The following NRXN3 variants were observed in gnomAD, a reference collection of about 807,000 sequenced individuals.
NRXN3 encodes the protein neurexin 3, also known as neurexin III.
In NRXN3, 32 loss-of-function variants were observed where a neutral mutation model predicts 137.6. The ratio of observed to expected loss-of-function variants is 0.23; its 90% CI spans 0.18 to 0.31. The LOEUF is 0.31. Ranked by LOEUF, NRXN3 falls within the 10% of genes least tolerant of loss-of-function variation. The pLI is 1.00. For synonymous variants in NRXN3, 798 were observed against 784.5 expected, an observed-to-expected ratio of 1.02 and a Z score of -0.29; for missense variants, 1,574 against 2,062.5, an observed-to-expected ratio of 0.76 and a Z score of 4.59.
chr14:79,467,576 A>T (rs557923139), intron 16 of NRXN3, among the ~76,000 whole-genome samples, 174 bp downstream of exon 16: 2 of 152,310 alleles, frequency 1.3e-5, no homozygotes, highest in South Asian at 4.1e-4. Context: ...AAAAAAACTT[A>T]AAAACTCTTC....
At chr14:79,108,613 C>A (rs570970929) in intron 15 of NRXN3, among the ~76,000 whole-genome samples, 2 of 152,276 alleles carry the variant, frequency 1.3e-5, no homozygotes, top group Admixed American at 1.3e-4. Context: ...CACTCTTAAA[C>A]TGTCCACATC....
intron 9 of NRXN3, among the ~76,000 whole-genome samples, chr14:78,809,309 C>T (rs192832323): frequency 1.1e-3 from 133 of 121,328 alleles, no homozygotes; most frequent in African/African-American, 3.6e-3. Context: ...ATTTTCTCTC[C>T]TCAAGATGTG....
intron 15 of NRXN3, among the ~76,000 whole-genome samples, chr14:79,145,340 G>T (rs2059197221): frequency 6.6e-6 from 1 of 152,010 alleles, no homozygotes; most frequent in South Asian, 2.1e-4. Context: ...ATTTTTATTG[G>T]AAGACTTCAG....
In NRXN3 at chr14:78,957,224, A is replaced by G; in HGVS notation, c.2276-18A>G. 6.2e-7 allele frequency: 1 copy of G among 1,612,610 alleles called. No individual in the cohort carries two copies. The highest frequency in any genetic ancestry group is 8.5e-7 in the Non-Finnish European group (1 of 1,179,274). The stretch of plus-strand genomic sequence containing the variant: ...TTTCAGAATTGATTCTAACTTTGGC[A>G]CTTACTACCATCCTTAGGCAAAGGA... On this transcript the variant is annotated intron_variant, in intron 10 of 20. Coordinates refer to ENST00000335750, the MANE Select transcript of NRXN3 (RefSeq NM_001330195.2).
chr14:78,925,296 T>C (rs570040437), intron 10 of NRXN3, among the ~76,000 whole-genome samples: 4 of 152,178 alleles, frequency 2.6e-5, no homozygotes, highest in Non-Finnish European at 5.9e-5. Context: ...TGAGAAACAA[T>C]GTATGCCCTA....
At chr14:79,294,767 A>ATGATGAG (rs1188295428) in intron 15 of NRXN3, among the ~76,000 whole-genome samples, 1 of 152,200 alleles carries the variant, frequency 6.6e-6, no homozygotes, top group African/African-American at 2.4e-5. Flanking sequence ...TTGAGTACTT[A>ATGATGAG]TGATGAGCAA....
intron 4 of NRXN3, among the ~76,000 whole-genome samples, chr14:78,348,600 G>A (rs1220970702): frequency 6.6e-6 from 1 of 152,212 alleles, no homozygotes; most frequent in East Asian, 1.9e-4. Context: ...ACCTTGGAGT[G>A]TAAGGCTGCG....
chr14:79,624,613 G>A (rs2098261691), intron 16 of NRXN3, among the ~76,000 whole-genome samples: 1 of 151,466 alleles, frequency 6.6e-6, no homozygotes, highest in Non-Finnish European at 1.5e-5. Context: ...TGTACCTTAA[G>A]TCTCTAGATA....
chr14:79,849,937 A>T (rs2099388269), intron 20 of NRXN3, among the ~76,000 whole-genome samples: 2 of 152,204 alleles, frequency 1.3e-5, no homozygotes, highest in Non-Finnish European at 2.9e-5. Flanking sequence ...TGCTGACAAC[A>T]GCAATCCTCA....
At chr14:78,673,660 A>T (rs183051712) in intron 6 of NRXN3, among the ~76,000 whole-genome samples, 1 of 152,258 alleles carries the variant, frequency 6.6e-6, no homozygotes, top group East Asian at 1.9e-4. Context: ...TGGTCTGCAG[A>T]TGGCCTTCTT....
At chr14:78,688,254 CAG>C (rs2098140003) in intron 6 of NRXN3, among the ~76,000 whole-genome samples, 4 of 151,926 alleles carry the variant, frequency 2.6e-5, no homozygotes, top group African/African-American at 7.3e-5. Flanking sequence ...AATCCAAAGA[CAG>C]AACATGAGGG....
At chr14:78,370,033 G>A (rs966750004) in intron 4 of NRXN3, among the ~76,000 whole-genome samples, 11 of 151,846 alleles carry the variant, frequency 7.2e-5, no homozygotes, top group African/African-American at 2.4e-5. Context: ...TTTTTCCCTG[G>A]TCACTGCTCA....
intron 4 of NRXN3, among the ~76,000 whole-genome samples, chr14:78,383,787 C>T (rs2089526656): frequency 6.6e-6 from 1 of 152,140 alleles, no homozygotes; most frequent in Non-Finnish European, 1.5e-5. Context: ...AGAGTGATGC[C>T]TGATGCATAG....
chr14:79,508,683 C>T (rs937499408), intron 16 of NRXN3, among the ~76,000 whole-genome samples: 4 of 151,784 alleles, frequency 2.6e-5, no homozygotes, highest in African/African-American at 7.2e-5. Flanking sequence ...TGAGCCACCG[C>T]GCCTGGCCTA....
Position 79,861,248 on chromosome 14 carries a change from G to A in NRXN3, c.4094-94G>A. 1 of 1,535,698 alleles carries A rather than the reference G, an allele frequency of 6.5e-7. No homozygotes were observed. Among genetic ancestry groups the A allele is most frequent in the African/African-American group, 1.4e-5 (1 of 73,088 alleles). ...CGATGGTTGTGATGATGATGGCTTG[G>A]TGATATCTGGGTATGGCTCAGGGGA... On this transcript the variant is annotated intron_variant, in intron 20 of 20. Transcript: ENST00000335750. The surrounding 1 kb of genome is among the most constrained non-coding windows in gnomAD (Gnocchi z 5.4).
chr14:79,290,548 A>G (rs1333260634), intron 15 of NRXN3, among the ~76,000 whole-genome samples: 1 of 152,112 alleles, frequency 6.6e-6, no homozygotes, highest in Non-Finnish European at 1.5e-5. Context: ...AACTCATTTA[A>G]TGAAGAACAT....
chr14:79,184,735 C>T (rs17595359), intron 15 of NRXN3, among the ~76,000 whole-genome samples: 42,519 of 152,026 alleles, frequency 0.28, 6,498 homozygotes, highest in Non-Finnish European at 0.35. Context: ...TGGGACTTCT[C>T]TTTAAATACC....
At chr14:79,607,291 T>C (rs916616275) in intron 16 of NRXN3, among the ~76,000 whole-genome samples, 2 of 152,228 alleles carry the variant, frequency 1.3e-5, no homozygotes, top group African/African-American at 2.4e-5. Context: ...TCTTTTCCAA[T>C]GAAAACACAG....
chr14:78,878,601 T>C (rs1257212575), intron 10 of NRXN3, among the ~76,000 whole-genome samples: 2 of 152,030 alleles, frequency 1.3e-5, no homozygotes, highest in African/African-American at 4.8e-5. Flanking sequence ...CAAAATTAAA[T>C]ATACTTATGG....
Sources: allele counts gnomAD v4.1 joint callset (sites outside exome capture counted in the v4.1 genomes callset), GRCh38; gene constraint gnomAD v4.1.1; non-coding constraint Gnocchi (gnomAD v3.1); transcripts MANE v1.5; gene names NCBI Gene and HGNC (gene_info 2026-07-23, HGNC 2026-07-21).